The following WDR70 variants were observed in gnomAD, a reference collection of about 807,000 sequenced individuals.
The protein encoded by WDR70 is WD repeat-containing protein 70.
WDR70 carries 53 observed loss-of-function variants against 88.6 expected under a neutral mutation model. That is an observed-to-expected ratio of 0.60 (90% CI 0.48 to 0.75). The LOEUF (loss-of-function observed/expected upper bound fraction) is 0.75, where lower values mean the gene tolerates loss of function less well. Ranked by LOEUF, WDR70 falls within the 30% of genes least tolerant of loss-of-function variation. WDR70 has a pLI of 0.00. For missense variants in WDR70, 610 were observed against 823.2 expected, an observed-to-expected ratio of 0.74 and a Z score of 3.17; for synonymous variants, 280 against 270.0, an observed-to-expected ratio of 1.04 and a Z score of -0.36.
intron 9 of WDR70, among the ~76,000 whole-genome samples, chr5:37,562,091 C>G (rs1162099549): frequency 6.6e-6 from 1 of 152,166 alleles, no homozygotes; most frequent in Non-Finnish European, 1.5e-5. Flanking sequence ...GGCGCGGTGG[C>G]TCATGCCTGT....
intron 3 of WDR70, 132 bp from the exon 4 acceptor site, chr5:37,391,868 T>C: frequency 1.0e-6 from 1 of 990,770 alleles, no homozygotes; most frequent in Non-Finnish European, 1.4e-6. Flanking sequence ...TGGTTGATAA[T>C]TTTTTGCTGT....
chr5:37,685,389 T>C (rs1746556969), intron 10 of WDR70, among the ~76,000 whole-genome samples: 1 of 151,980 alleles, frequency 6.6e-6, no homozygotes, highest in South Asian at 2.1e-4. Context: ...CACAGGGGGC[T>C]GCCCCACTGG....
chr5:37,455,246 T>TCC (rs1378444112), intron 7 of WDR70, among the ~76,000 whole-genome samples: 1 of 145,062 alleles, frequency 6.9e-6, no homozygotes, highest in African/African-American at 2.5e-5. Flanking sequence ...TTTCTTTCTT[T>TCC]TTTTTTTTTT....
At chr5:37,751,970 T>C (rs891170737) in intron 17 of WDR70, among the ~76,000 whole-genome samples, 15 of 152,162 alleles carry the variant, frequency 9.9e-5, no homozygotes, top group African/African-American at 3.6e-4. Context: ...TTTTCTTTGG[T>C]TTTTATTTTT....
intron 9 of WDR70, among the ~76,000 whole-genome samples, chr5:37,601,044 T>A (rs1275890188): frequency 1.3e-5 from 2 of 152,232 alleles, no homozygotes; most frequent in Non-Finnish European, 2.9e-5. Context: ...TCATTCCTAA[T>A]TGACTCCAGT....
chr5:37,424,082 G>A (rs1750040174), intron 5 of WDR70, among the ~76,000 whole-genome samples: 1 of 145,920 alleles, frequency 6.9e-6, no homozygotes, highest in Admixed American at 6.9e-5. Context: ...ACGAGAAGTG[G>A]AGGTTGCAGT....
chr5:37,664,239 T>A (rs1745776849), intron 10 of WDR70, among the ~76,000 whole-genome samples: 1 of 152,216 alleles, frequency 6.6e-6, no homozygotes, highest in African/African-American at 2.4e-5. Context: ...ATGACAATAT[T>A]ACTCCTCTGT....
chr5:37,506,829 G>T, intron 8 of WDR70: 1 of 1,296,532 alleles, frequency 7.7e-7, no homozygotes, highest in Non-Finnish European at 1.1e-6. Flanking sequence ...CTTGGGGGCT[G>T]CTGTTCAGGA....
In WDR70 at chr5:37,536,387, A is replaced by C. The variant is rs180996243; in HGVS notation, c.917+19797A>C. ...GGCACATAACATTATTAAAATAAAG[A>C]AATTTTATTCTACAGGTTGAGTAAA... is the stretch of plus-strand genomic sequence containing the variant. On this transcript the variant is annotated intron_variant, in intron 9 of 17. Transcript: ENST00000265107. Among the ~76,000 whole-genome samples the C allele has an allele frequency of 1.9e-3, 295 of 152,284 alleles. 2 individuals carry two copies. The highest frequency in any genetic ancestry group is 6.8e-3 in the African/African-American group (284 of 41,574).
At chr5:37,423,668 A>G (rs2112000534) in intron 5 of WDR70, among the ~76,000 whole-genome samples, 1 of 145,418 alleles carries the variant, frequency 6.9e-6, no homozygotes, top group Admixed American at 7.0e-5. Context: ...GGTTCAAGCT[A>G]TTTGCCTGCC....
At chr5:37,654,321 A>T (rs779218026) in intron 10 of WDR70, among the ~76,000 whole-genome samples, 58 of 152,208 alleles carry the variant, frequency 3.8e-4, no homozygotes, top group Non-Finnish European at 6.5e-4. Context: ...GTTTGTCATG[A>T]TTTCTGTTCT....
At chr5:37,544,159 C>T (rs1741916171) in intron 9 of WDR70, among the ~76,000 whole-genome samples, 1 of 152,124 alleles carries the variant, frequency 6.6e-6, no homozygotes, top group Admixed American at 6.5e-5. Flanking sequence ...GCCCAGTGGT[C>T]AGGGATTGTC....
chr5:37,669,201 A>G (rs1561060073), intron 10 of WDR70, among the ~76,000 whole-genome samples: 1 of 152,088 alleles, frequency 6.6e-6, no homozygotes, highest in Non-Finnish European at 1.5e-5. Context: ...TTCTCAGTAA[A>G]TGTTGTTGAC....
At chr5:37,416,393 C>T (rs1169295974) in intron 5 of WDR70, among the ~76,000 whole-genome samples, 1 of 152,180 alleles carries the variant, frequency 6.6e-6, no homozygotes, top group Middle Eastern at 3.4e-3. Context: ...CCTGCAATTG[C>T]AGGCACTGGG....
chr5:37,536,245 A>G (rs1741664912), intron 9 of WDR70, among the ~76,000 whole-genome samples: 1 of 152,190 alleles, frequency 6.6e-6, no homozygotes, highest in Non-Finnish European at 1.5e-5. Flanking sequence ...TTCTTGCTGA[A>G]GACAGCAGAT....
intron 5 of WDR70, among the ~76,000 whole-genome samples, chr5:37,434,134 T>C (rs565213799): frequency 3.3e-5 from 5 of 152,126 alleles, no homozygotes; most frequent in Non-Finnish European, 7.4e-5. Context: ...GAGAAACACC[T>C]TCTTCATAGG....
chr5:37,651,324 GAT>G (rs989369187), intron 10 of WDR70, among the ~76,000 whole-genome samples: 1 of 152,060 alleles, frequency 6.6e-6, no homozygotes, highest in Non-Finnish European at 1.5e-5. Context: ...AGTATTCTGT[GAT>G]ATATATATGT....
chr5:37,745,178 G>T (rs748793519), intron 17 of WDR70, among the ~76,000 whole-genome samples: 1 of 152,054 alleles, frequency 6.6e-6, no homozygotes, highest in Non-Finnish European at 1.5e-5. Context: ...AAACTAATAA[G>T]CTTCATAAGC....
intron 5 of WDR70, among the ~76,000 whole-genome samples, chr5:37,403,620 A>C (rs1469899144): frequency 3.3e-5 from 5 of 152,238 alleles, no homozygotes; most frequent in African/African-American, 1.2e-4. Context: ...CCAATTTCAC[A>C]TAGTGGAGTG....
Sources: allele counts gnomAD v4.1 joint callset (sites outside exome capture counted in the v4.1 genomes callset), GRCh38; gene constraint gnomAD v4.1.1; transcripts MANE v1.5; gene names NCBI Gene and HGNC (gene_info 2026-07-23, HGNC 2026-07-21).